The following RALYL variants were observed in gnomAD, a reference collection of about 807,000 sequenced individuals.
RALYL encodes RNA-binding Raly-like protein.
RALYL carries 29 observed loss-of-function variants against 35.1 expected under a neutral mutation model. That is an observed-to-expected ratio of 0.83 (90% CI 0.61 to 1.13). RALYL has a LOEUF of 1.13. Ranked by LOEUF, RALYL falls within the 50% of genes most tolerant of loss-of-function variation. The pLI is 0.00. For synonymous variants in RALYL, 120 were observed against 127.6 expected (o/e 0.94, Z 0.40); for missense variants, 359 against 360.4 (o/e 1.00, Z 0.03).
At chr8:84,861,059 G>T (rs1024608816) in intron 5 of RALYL, among the ~76,000 whole-genome samples, 1 of 151,852 alleles carries the variant, frequency 6.6e-6, no homozygotes, top group Non-Finnish European at 1.5e-5. Context: ...ACCTATTATA[G>T]AACTTGTTTT....
At chr8:84,857,460 ACTAAT>A (rs1384305911) in intron 5 of RALYL, among the ~76,000 whole-genome samples, 1 of 152,260 alleles carries the variant, frequency 6.6e-6, no homozygotes, top group Non-Finnish European at 1.5e-5. Context: ...TGAAGTTACT[ACTAAT>A]CTAAAATGAA....
chr8:84,841,413 G>C (rs1287767953), intron 4 of RALYL, among the ~76,000 whole-genome samples: 1 of 152,126 alleles, frequency 6.6e-6, no homozygotes, highest in Non-Finnish European at 1.5e-5. Context: ...AACAAGAAGA[G>C]CTAACTATCC....
intron 6 of RALYL, among the ~76,000 whole-genome samples, chr8:84,866,405 A>G (rs1044026628): frequency 2.6e-5 from 4 of 152,184 alleles, no homozygotes; most frequent in African/African-American, 9.7e-5. Context: ...TGAATTACTT[A>G]TGTATATAAA....
chr8:84,230,553 G>A (rs1043577106), intron 1 of RALYL, among the ~76,000 whole-genome samples: 8 of 152,114 alleles, frequency 5.3e-5, no homozygotes, highest in African/African-American at 1.9e-4. Flanking sequence ...TGAATTAGTT[G>A]TATAATAACT....
chr8:84,367,316 G>GTTTTT (rs1563799859), intron 1 of RALYL, among the ~76,000 whole-genome samples: 1 of 30,406 alleles, frequency 3.3e-5, no homozygotes, highest in African/African-American at 7.2e-5. Flanking sequence ...ACTAATTTTT[G>GTTTTT]TATTTTTTTT....
chr8:84,915,447 G>C (rs113352293), intron 8 of RALYL, among the ~76,000 whole-genome samples: 1 of 151,924 alleles, frequency 6.6e-6, no homozygotes, highest in Non-Finnish European at 1.5e-5. Context: ...CTTACTGATC[G>C]TCATACTCTC....
At chr8:84,280,753 A>G (rs1836377408) in intron 1 of RALYL, among the ~76,000 whole-genome samples, 1 of 150,094 alleles carries the variant, frequency 6.7e-6, no homozygotes. Context: ...TAACACATAT[A>G]TAAATATATA....
At chr8:84,742,891 A>C (rs1807711769) in intron 2 of RALYL, among the ~76,000 whole-genome samples, 5 of 152,006 alleles carry the variant, frequency 3.3e-5, no homozygotes, top group Non-Finnish European at 7.4e-5. Flanking sequence ...TGTGCTCATA[A>C]GGGGAACAAT....
At chr8:84,194,445 C>G (rs1814730276) in intron 1 of RALYL, among the ~76,000 whole-genome samples, 1 of 151,924 alleles carries the variant, frequency 6.6e-6, no homozygotes, top group Non-Finnish European at 1.5e-5. Flanking sequence ...ATCTTGCTTA[C>G]ATTTGAAAAG....
chr8:84,523,875 A>G (rs1448045331), intron 1 of RALYL, among the ~76,000 whole-genome samples: 1 of 151,902 alleles, frequency 6.6e-6, no homozygotes, highest in Non-Finnish European at 1.5e-5. Context: ...ATAGTATTCC[A>G]TGTTGTATAT....
chr8:84,371,539 T>TCTCACACACACA (rs1475375050), intron 1 of RALYL, among the ~76,000 whole-genome samples: 1 of 144,072 alleles, frequency 6.9e-6, no homozygotes, highest in Non-Finnish European at 1.5e-5. Context: ...TTTATGATTA[T>TCTCACACACACA]CACACACACA....
At chr8:84,328,234 C>T (rs1846177803) in intron 1 of RALYL, among the ~76,000 whole-genome samples, 4 of 152,290 alleles carry the variant, frequency 2.6e-5, no homozygotes, top group South Asian at 4.1e-4. Context: ...GTTAGCTCAC[C>T]GTTTCTAGAC....
At chr8:84,272,337 A>G (rs1834481131) in intron 1 of RALYL, among the ~76,000 whole-genome samples, 1 of 151,974 alleles carries the variant, frequency 6.6e-6, no homozygotes, top group African/African-American at 2.4e-5. Context: ...CAGGTGATCC[A>G]CCCACCTGAG....
At chr8:84,270,672 A>G (rs1039279583) in intron 1 of RALYL, among the ~76,000 whole-genome samples, 1 of 152,188 alleles carries the variant, frequency 6.6e-6, no homozygotes, top group African/African-American at 2.4e-5. Flanking sequence ...TATAATATTT[A>G]TACTGCATGT....
intron 4 of RALYL, among the ~76,000 whole-genome samples, chr8:84,816,699 C>A (rs1161143260): frequency 6.6e-6 from 1 of 152,074 alleles, no homozygotes; most frequent in Non-Finnish European, 1.5e-5. Flanking sequence ...TATTTGATTG[C>A]ACAACAGGGT....
intron 2 of RALYL, among the ~76,000 whole-genome samples, chr8:84,649,746 A>T (rs1203713928): frequency 6.6e-6 from 1 of 151,998 alleles, no homozygotes; most frequent in South Asian, 2.1e-4. Flanking sequence ...TTGGCTTAGG[A>T]TTGACTTGGT....
intron 1 of RALYL, among the ~76,000 whole-genome samples, chr8:84,422,373 T>G (rs1242778829): frequency 2.3e-5 from 3 of 131,776 alleles, no homozygotes; most frequent in Admixed American, 8.0e-5. Context: ...TAGTTTGTAT[T>G]TCTGTGGGAT....
chr8:84,293,297 G>A (rs73304878), intron 1 of RALYL, among the ~76,000 whole-genome samples: 7,039 of 152,132 alleles, frequency 0.046, 261 homozygotes, highest in African/African-American at 0.083. Flanking sequence ...GACTACAATG[G>A]TAGAACCATC....
At chr8:84,679,480 ATGCT>A (rs1834914974) in intron 2 of RALYL, 1 of 332,352 alleles carries the variant, frequency 3.0e-6, no homozygotes, top group African/African-American at 2.2e-5. Flanking sequence ...AATAGGACTG[ATGCT>A]TGCTTCATTG....
Sources: allele counts gnomAD v4.1 joint callset (sites outside exome capture counted in the v4.1 genomes callset), GRCh38; gene constraint gnomAD v4.1.1; transcripts MANE v1.5; gene names NCBI Gene and HGNC (gene_info 2026-07-23, HGNC 2026-07-21).